MMUT: variants seen among roughly 807,000 people sequenced by gnomAD.
The protein encoded by MMUT is methylmalonyl-CoA mutase.
In MMUT, 79 loss-of-function variants were observed where a neutral mutation model predicts 79.9. That is an observed-to-expected ratio of 0.99 (90% CI 0.82 to 1.19). The LOEUF (loss-of-function observed/expected upper bound fraction) is 1.19. MMUT is among the 50% of genes most tolerant of loss of function. The pLI is 0.00. For missense variants in MMUT, 860 were observed against 917.2 expected (o/e 0.94, Z 0.81); for synonymous variants, 273 against 295.7 (o/e 0.92, Z 0.79).
At position 49,459,501 on chromosome 6, in the gene MMUT, C is replaced by T; in HGVS notation, c.-35G>A. 6.2e-7 allele frequency: 1 copy of T among 1,601,326 alleles called. No individual in the cohort carries two copies. On this transcript the variant is annotated 5_prime_UTR_variant, in exon 2 of 13. Transcript: ENST00000274813. The stretch of plus-strand genomic sequence containing the variant: ...TGGAAACACCCAATAGAAATAAGAA[C>T]TGACCTAGAAAAAGAAACATAGAGT...
intron 10 of MMUT, 25 bp from the exon 11 acceptor site, chr6:49,440,378 A>G (rs1458086028): frequency 4.3e-6 from 7 of 1,609,818 alleles, no homozygotes; most frequent in Non-Finnish European, 3.4e-6. Flanking sequence ...AAAATATATC[A>G]GTAGTTAGAT....
At position 49,451,616 on chromosome 6, in the gene MMUT, C is replaced by CA. The variant is rs879253841; in HGVS notation, c.1181dup (p.Leu394PhefsTer30). The CA allele has an allele frequency of 9.3e-6, 15 of 1,614,004 alleles. No homozygotes were observed. Among genetic ancestry groups the CA allele is most frequent in the Non-Finnish European group, 1.2e-5 (14 of 1,180,000 alleles). On this transcript the variant is annotated frameshift_variant, in exon 6 of 13. Transcript: ENST00000274813. LOFTEE classifies it high-confidence loss of function. ...GAGCACTTTTCACAGTTGGCAAACC[C>CA]AAAGCTTCATCAAAAGAATTTGTGT...
intron 3 of MMUT, among the ~76,000 whole-genome samples, chr6:49,456,785 C>A (rs191387952): frequency 1.3e-3 from 195 of 152,238 alleles, no homozygotes; most frequent in African/African-American, 4.3e-3. Flanking sequence ...GGATAAAATG[C>A]ATGGCTTTAA....
intron 11 of MMUT, among the ~76,000 whole-genome samples, chr6:49,437,535 A>G (rs1040425259): frequency 2.0e-5 from 3 of 152,160 alleles, no homozygotes; most frequent in Non-Finnish European, 1.5e-5. Context: ...AGAATCTACA[A>G]GGAACTTAAA....
At chr6:49,437,810 A>G (rs1461390727) in intron 11 of MMUT, among the ~76,000 whole-genome samples, 1 of 151,868 alleles carries the variant, frequency 6.6e-6, no homozygotes, top group Non-Finnish European at 1.5e-5. Flanking sequence ...GCTCTCCTCC[A>G]TCCACTTCAG....
chr6:49,435,726 G>A, intron 11 of MMUT, 103 bp from the exon 12 acceptor site: 1 of 1,201,886 alleles, frequency 8.3e-7, no homozygotes, highest in Non-Finnish European at 1.2e-6. Flanking sequence ...ACATACTAAT[G>A]GGCAAAGACT....
At chr6:49,453,537 T>C (rs1253560216) in intron 5 of MMUT, 48 bp downstream of exon 5, 2 of 1,061,076 alleles carry the variant, frequency 1.9e-6, no homozygotes, top group Non-Finnish European at 2.6e-6. Context: ...AGAAAAAATA[T>C]ATATATATAA....
chr6:49,455,716 T>C (rs1767668425), intron 4 of MMUT, among the ~76,000 whole-genome samples: 1 of 152,170 alleles, frequency 6.6e-6, no homozygotes, highest in Non-Finnish European at 1.5e-5. Flanking sequence ...AACATTACAT[T>C]AGATAGTGCA....
At chr6:49,439,390 C>T (rs932342352) in intron 11 of MMUT, among the ~76,000 whole-genome samples, 1 of 152,142 alleles carries the variant, frequency 6.6e-6, no homozygotes, top group African/African-American at 2.4e-5. Context: ...CTATGGGGGC[C>T]TGCCAAAGGC....
chr6:49,436,737 A>C lies in MMUT; in HGVS notation c.1957-1114T>G, dbSNP rs539250670. On this transcript the variant is annotated intron_variant, in intron 11 of 12. Transcript: ENST00000274813. ...AAGAAAATGTGATACACACACACTA[A>C]AGAATACTATGCAGCCAGAAAAAAA... Among the ~76,000 whole-genome samples the C allele has an allele frequency of 2.5e-3, 378 of 152,304 alleles. 1 individual carries two copies. The highest frequency in any genetic ancestry group is 8.5e-3 in the African/African-American group (353 of 41,560).
chr6:49,445,756 T>C (rs2127416309), intron 8 of MMUT, among the ~76,000 whole-genome samples: 2 of 152,128 alleles, frequency 1.3e-5, no homozygotes, highest in South Asian at 4.1e-4. Context: ...TTCTCAAATA[T>C]CTTCAATTCA....
At chr6:49,442,550 C>T (rs1267711424) in intron 9 of MMUT, among the ~76,000 whole-genome samples, 1 of 151,992 alleles carries the variant, frequency 6.6e-6, no homozygotes, top group Admixed American at 6.6e-5. Flanking sequence ...AAGACAATTT[C>T]ATAAGGTAAT....
intron 1 of MMUT, 91 bp from the exon 2 acceptor site, chr6:49,459,596 G>C (rs1767788749): frequency 1.0e-6 from 1 of 1,000,460 alleles, no homozygotes; most frequent in Admixed American, 2.7e-5. Flanking sequence ...GAAAGAGGAT[G>C]TATTAGTCTG....
chr6:49,447,087 GACAA>G (rs1232645767), intron 8 of MMUT, among the ~76,000 whole-genome samples: 1 of 151,710 alleles, frequency 6.6e-6, no homozygotes, highest in African/African-American at 2.4e-5. Flanking sequence ...TCAACTCAGT[GACAA>G]ACTAAAAATA....
intron 5 of MMUT, among the ~76,000 whole-genome samples, chr6:49,452,285 C>T (rs1767573797): frequency 6.6e-6 from 1 of 151,968 alleles, no homozygotes; most frequent in African/African-American, 2.4e-5. Flanking sequence ...TCCTTCCAAC[C>T]CTAAAAATCT....
At chr6:49,447,363 A>G (rs1767434104) in intron 8 of MMUT, among the ~76,000 whole-genome samples, 1 of 151,880 alleles carries the variant, frequency 6.6e-6, no homozygotes, top group South Asian at 2.1e-4. Flanking sequence ...TAATCTATAA[A>G]TTATGGAAGG....
At chr6:49,443,695 AG>A in intron 9 of MMUT, 1 of 288,850 alleles carries the variant, frequency 3.5e-6, no homozygotes, top group Non-Finnish European at 6.9e-6. Flanking sequence ...TAACACATTA[AG>A]TGCCATATTC....
chr6:49,456,315 A>C, intron 3 of MMUT, 78 bp from the exon 4 acceptor site: 1 of 994,466 alleles, frequency 1.0e-6, no homozygotes, highest in Non-Finnish European at 1.6e-6. Flanking sequence ...TCTAAGCATA[A>C]ACATTATTTT....
At chr6:49,443,202 T>C (rs1366798460) in intron 9 of MMUT, among the ~76,000 whole-genome samples, 1 of 152,162 alleles carries the variant, frequency 6.6e-6, no homozygotes, top group Non-Finnish European at 1.5e-5. Context: ...GATGTCTGTA[T>C]AGTGAATCGC....
Sources: gnomAD v4.1 joint callset for allele counts (sites outside exome capture counted in the v4.1 genomes callset) on GRCh38, gnomAD v4.1.1 for gene constraint, MANE v1.5 for transcripts, NCBI Gene and HGNC (gene_info 2026-07-23, HGNC 2026-07-21) for gene names.